The following PPP1R12B variants were observed in gnomAD, a reference collection of about 807,000 sequenced individuals.
PPP1R12B encodes the protein myosin phosphatase target subunit 2.
PPP1R12B carries 76 observed loss-of-function variants against 126.1 expected under a neutral mutation model. The ratio of observed to expected loss-of-function variants is 0.60; its 90% CI spans 0.50 to 0.73. The LOEUF (loss-of-function observed/expected upper bound fraction) is 0.73, where lower values mean the gene tolerates loss of function less well. PPP1R12B is among the 30% of genes least tolerant of loss of function. The pLI, the probability that PPP1R12B is intolerant of heterozygous loss-of-function variation, is 0.00. For missense variants in PPP1R12B, 1,052 were observed against 1,205.1 expected, an observed-to-expected ratio of 0.87 and a Z score of 1.88; for synonymous variants, 356 against 434.7, an observed-to-expected ratio of 0.82 and a Z score of 2.25.
chr1:202,493,898 G>T (rs1045710451), intron 15 of PPP1R12B, among the ~76,000 whole-genome samples: 1 of 152,204 alleles, frequency 6.6e-6, no homozygotes, highest in Non-Finnish European at 1.5e-5. Context: ...GGCTTACAAA[G>T]CACTCTTGAG....
intron 1 of PPP1R12B, among the ~76,000 whole-genome samples, chr1:202,409,217 G>C (rs183315876): frequency 6.6e-6 from 1 of 151,960 alleles, no homozygotes; most frequent in Admixed American, 6.6e-5. Context: ...AATAGAAATG[G>C]TAATTCTATT....
intron 1 of PPP1R12B, among the ~76,000 whole-genome samples, chr1:202,403,955 T>G (rs1666208620): frequency 1.3e-5 from 2 of 152,186 alleles, no homozygotes; most frequent in Admixed American, 6.5e-5. Flanking sequence ...CTCCCCAGTG[T>G]CTTAGCTGCC....
Position 202,561,757 on chromosome 1 carries a change from A to G in PPP1R12B, c.2508-1021A>G, listed in dbSNP as rs1195761523. 2.0e-5 allele frequency among the ~76,000 whole-genome samples: 3 copies of G among 152,214 alleles called. No individual in the cohort carries two copies. In the East Asian group the frequency reaches 5.8e-4, roughly 29 times the overall value. On this transcript the variant is annotated intron_variant, in intron 19 of 23. Transcript: ENST00000608999. ...GAATGTGGGACTTAGCATCTCTGTG[A>G]GTGAAAAGAGGCCACCATTGTCATT...
At chr1:202,532,323 A>G (rs1417679826) in intron 18 of PPP1R12B, among the ~76,000 whole-genome samples, 1 of 152,192 alleles carries the variant, frequency 6.6e-6, no homozygotes, top group Non-Finnish European at 1.5e-5. Flanking sequence ...TTTATCAGCA[A>G]GGTCTTTGTG....
At position 202,585,431 on chromosome 1, in the gene PPP1R12B, C is replaced by T. The variant is rs1689760886; in HGVS notation, c.*4871C>T. On this transcript the variant is annotated 3_prime_UTR_variant, in exon 24 of 24. Coordinates refer to ENST00000608999, the MANE Select transcript of PPP1R12B (RefSeq NM_002481.4). ...CCTAGAAGTCAGAACATCTGTATTC[C>T]AAGGCCACCCCTTCTCCTTTTAGTC... The T allele has an allele frequency of 6.6e-6, 1 of 152,240 alleles. No homozygotes were observed. Among genetic ancestry groups the T allele is most frequent in the Non-Finnish European group, 1.5e-5 (1 of 68,048 alleles). The allele number at this position is 152,240 out of a possible 1,614,324, so 9.4% of individuals were successfully genotyped here. A position where few individuals can be genotyped will look rare whatever the true frequency, so the allele number is the denominator to read the frequency against.
At chr1:202,470,080 C>T (rs919883605) in intron 13 of PPP1R12B, among the ~76,000 whole-genome samples, 4 of 152,246 alleles carry the variant, frequency 2.6e-5, no homozygotes, top group Non-Finnish European at 4.4e-5. Flanking sequence ...AGCTGGAGAC[C>T]GATTTCTAGG....
rs939381640 is a variant in PPP1R12B at position 202,592,540 on chromosome 1, A to C, written c.*11980A>C. On this transcript the variant is annotated 3_prime_UTR_variant, in exon 24 of 24. Transcript: ENST00000608999. ...CGGCTATTTACAGAAAGTTATAGACATGCATCTTGATTAAACAAGATTCTG... is the reference window on the plus strand; with the variant it reads ...CGGCTATTTACAGAAAGTTATAGACCTGCATCTTGATTAAACAAGATTCTG... The C allele has an allele frequency of 6.6e-6, 1 of 152,260 alleles. No homozygotes were observed. 9.4% of individuals were successfully genotyped at this position (152,260 alleles called of 1,614,324 possible).
At chr1:202,490,919 A>G (rs1226316924) in intron 14 of PPP1R12B, among the ~76,000 whole-genome samples, 2 of 152,216 alleles carry the variant, frequency 1.3e-5, no homozygotes, top group Non-Finnish European at 2.9e-5. Context: ...TGCTATGAGA[A>G]TGGCTATACA....
chr1:202,388,009 A>G (rs1663446295), intron 1 of PPP1R12B, among the ~76,000 whole-genome samples: 2 of 152,216 alleles, frequency 1.3e-5, no homozygotes, highest in African/African-American at 2.4e-5. Flanking sequence ...AAAAAATTAT[A>G]TAAATTTAAT....
intron 18 of PPP1R12B, among the ~76,000 whole-genome samples, chr1:202,515,086 A>G (rs948943599): frequency 1.3e-5 from 2 of 152,202 alleles, no homozygotes; most frequent in Non-Finnish European, 2.9e-5. Flanking sequence ...AGTGGAAGCT[A>G]AGTGATGAGA....
chr1:202,439,517 T>C (rs985035442), intron 10 of PPP1R12B: 1 of 1,534,818 alleles, frequency 6.5e-7, no homozygotes, highest in Admixed American at 1.9e-5. Context: ...GGGCGACTGC[T>C]GTTGCCTTGG....
chr1:202,449,620 C>T (rs1370076028), intron 13 of PPP1R12B, among the ~76,000 whole-genome samples: 1 of 151,908 alleles, frequency 6.6e-6, no homozygotes, highest in African/African-American at 2.4e-5. Context: ...TGTCTCTGAG[C>T]AGTCAGTTTT....
intron 22 of PPP1R12B, 126 bp downstream of exon 22, chr1:202,567,957 T>C: frequency 8.9e-7 from 1 of 1,124,566 alleles, no homozygotes; most frequent in African/African-American, 1.6e-5. Context: ...CACATTCCAT[T>C]CCCAGCTTGA....
chr1:202,507,691 A>G (rs1680975082), intron 18 of PPP1R12B, among the ~76,000 whole-genome samples: 1 of 152,212 alleles, frequency 6.6e-6, no homozygotes, highest in Non-Finnish European at 1.5e-5. Flanking sequence ...TGACAATTTT[A>G]TAAGGTTGTC....
intron 14 of PPP1R12B, among the ~76,000 whole-genome samples, chr1:202,489,600 A>G (rs185645143): frequency 6.6e-6 from 1 of 152,328 alleles, no homozygotes; most frequent in Admixed American, 6.5e-5. Flanking sequence ...AAGAAGCCAG[A>G]CACAAAACAC....
chr1:202,568,129 A>G (rs1368549727), intron 22 of PPP1R12B, among the ~76,000 whole-genome samples: 1 of 152,058 alleles, frequency 6.6e-6, no homozygotes, highest in African/African-American at 2.4e-5. Flanking sequence ...CTGCATACAC[A>G]CACAACCCAT....
Position 202,358,475 on chromosome 1 carries a change from G to A in PPP1R12B, c.291+9333G>A, listed in dbSNP as rs187980281. 8.2e-4 allele frequency among the ~76,000 whole-genome samples: 125 copies of A among 152,304 alleles called. No homozygotes were observed. In the Middle Eastern group the frequency reaches 0.01, roughly 12 times the overall value. ...AGGCAGGCAGATCACGAGGTCAGGA[G>A]ATTGAGACCATCCTGGCTAACACGG... On this transcript the variant is annotated intron_variant, in intron 1 of 23. Coordinates refer to ENST00000608999, the MANE Select transcript of PPP1R12B (RefSeq NM_002481.4).
intron 23 of PPP1R12B, chr1:202,575,993 T>G (rs1689058993): frequency 6.6e-6 from 1 of 152,244 alleles, no homozygotes; most frequent in African/African-American, 2.4e-5. Context: ...TGCAGTAGTC[T>G]TTGCTTTCTT....
At chr1:202,412,551 G>A (rs988302354) in intron 1 of PPP1R12B, among the ~76,000 whole-genome samples, 5 of 152,212 alleles carry the variant, frequency 3.3e-5, no homozygotes, top group Non-Finnish European at 7.3e-5. Flanking sequence ...CTGCTTGATA[G>A]TAGTGTGGAC....
Sources: allele counts gnomAD v4.1 joint callset (sites outside exome capture counted in the v4.1 genomes callset), GRCh38; gene constraint gnomAD v4.1.1; transcripts MANE v1.5; gene names NCBI Gene and HGNC (gene_info 2026-07-23, HGNC 2026-07-21).